HPSE2: variants seen among roughly 807,000 people sequenced by gnomAD.
HPSE2 encodes the protein inactive heparanase-2.
A neutral mutation model predicts 60.5 loss-of-function variants in HPSE2; 38 were observed. The observed-to-expected ratio is 0.63, with a 90% CI of 0.48 to 0.82. The LOEUF (loss-of-function observed/expected upper bound fraction) is 0.82, where lower values mean the gene tolerates loss of function less well. Ranked by LOEUF, HPSE2 falls within the 40% of genes least tolerant of loss-of-function variation. The pLI is 0.00. For missense variants in HPSE2, 713 were observed against 740.4 expected (o/e 0.96, Z 0.43); for synonymous variants, 295 against 293.2 (o/e 1.01, Z -0.06).
intron 2 of HPSE2, among the ~76,000 whole-genome samples, chr10:99,175,521 G>A (rs1024907375): frequency 6.6e-6 from 1 of 152,318 alleles, no homozygotes; most frequent in Non-Finnish European, 1.5e-5. Flanking sequence ...CCAACTGGGC[G>A]GAGCCCACCA....
the HPSE2 span, among the ~76,000 whole-genome samples, chr10:99,261,231 CA>C: frequency 6.6e-6 from 1 of 152,082 alleles, no homozygotes; most frequent in African/African-American, 2.4e-5. Context: ...TCTACAGACC[CA>C]TCTGACCTCT....
intron 5 of HPSE2, among the ~76,000 whole-genome samples, chr10:98,694,950 A>T (rs1948173242): frequency 6.6e-6 from 1 of 152,214 alleles, no homozygotes; most frequent in Non-Finnish European, 1.5e-5. Context: ...TAACTGAAGA[A>T]TTCTTCCTCC....
At chr10:98,925,680 C>G (rs1323395523) in intron 3 of HPSE2, among the ~76,000 whole-genome samples, 3 of 152,092 alleles carry the variant, frequency 2.0e-5, no homozygotes, top group South Asian at 2.1e-4. Flanking sequence ...CCCTACTCAG[C>G]CTTTGTTTGT....
At chr10:98,585,194 A>G (rs1944905068) in intron 9 of HPSE2, among the ~76,000 whole-genome samples, 1 of 152,128 alleles carries the variant, frequency 6.6e-6, no homozygotes, top group Non-Finnish European at 1.5e-5. Context: ...TAGATGCTAC[A>G]TGAAAAGTTA....
intron 9 of HPSE2, among the ~76,000 whole-genome samples, chr10:98,605,545 CA>C (rs1275150269): frequency 3.3e-5 from 5 of 152,128 alleles, no homozygotes; most frequent in African/African-American, 1.2e-4. Context: ...AGTCTGATGA[CA>C]GGTGACAGAG....
chr10:98,919,494 T>C (rs1033179169), intron 3 of HPSE2, among the ~76,000 whole-genome samples: 14 of 152,070 alleles, frequency 9.2e-5, no homozygotes, highest in African/African-American at 1.4e-4. Context: ...GGAGAAAAGA[T>C]AGGAAGCTAC....
chr10:98,572,953 C>T (rs1022159685), intron 9 of HPSE2, among the ~76,000 whole-genome samples: 1 of 152,130 alleles, frequency 6.6e-6, no homozygotes, highest in Non-Finnish European at 1.5e-5. Flanking sequence ...AGGGATTAAT[C>T]GACTATGGTT....
At chr10:98,965,533 T>C (rs1412682679) in intron 3 of HPSE2, among the ~76,000 whole-genome samples, 1 of 152,076 alleles carries the variant, frequency 6.6e-6, no homozygotes, top group South Asian at 2.1e-4. Flanking sequence ...AGTTCAATGA[T>C]TCTCTTCTCT....
At chr10:98,790,422 T>A (rs1306265734) in intron 3 of HPSE2, among the ~76,000 whole-genome samples, 1 of 152,070 alleles carries the variant, frequency 6.6e-6, no homozygotes, top group Non-Finnish European at 1.5e-5. Context: ...CTCACTTATA[T>A]GTGGAATCTA....
chr10:98,778,277 A>AGAGAGAGAGAGAGAGAGAGAGAGT (rs1950388633), intron 3 of HPSE2, among the ~76,000 whole-genome samples: 1 of 150,246 alleles, frequency 6.7e-6, no homozygotes, highest in African/African-American at 2.5e-5. Flanking sequence ...AGAGAGAGAG[A>AGAGAGAGAGAGAGAGAGAGAGAGT]GAGAGAGAGA....
At chr10:98,826,927 C>T (rs939965469) in intron 3 of HPSE2, among the ~76,000 whole-genome samples, 2 of 152,046 alleles carry the variant, frequency 1.3e-5, no homozygotes, top group African/African-American at 4.8e-5. Flanking sequence ...GCAGGAGGAT[C>T]GCTTGAGACC....
At chr10:98,719,763 G>A (rs901636152) in intron 5 of HPSE2, among the ~76,000 whole-genome samples, 5 of 151,264 alleles carry the variant, frequency 3.3e-5, no homozygotes, top group African/African-American at 1.2e-4. Context: ...CACTTTGGGA[G>A]GCCGAGACGG....
chr10:98,469,872 C>T (rs1940703434), intron 11 of HPSE2, among the ~76,000 whole-genome samples: 1 of 152,254 alleles, frequency 6.6e-6, no homozygotes, highest in African/African-American at 2.4e-5. Flanking sequence ...GCCTTCAGCC[C>T]TGAGACTTTT....
intron 3 of HPSE2, among the ~76,000 whole-genome samples, chr10:99,135,979 C>A (rs1845633254): frequency 1.3e-5 from 2 of 151,840 alleles, no homozygotes; most frequent in South Asian, 4.2e-4. Flanking sequence ...CAACAAAATA[C>A]ATAGACCACT....
chr10:99,253,835 G>A, the HPSE2 span, among the ~76,000 whole-genome samples: 6 of 151,930 alleles, frequency 3.9e-5, no homozygotes, highest in African/African-American at 1.4e-4. Flanking sequence ...AGATATACAG[G>A]CAGCCAACAA....
At chr10:98,511,375 C>A (rs1041395422) in intron 9 of HPSE2, among the ~76,000 whole-genome samples, 3 of 152,100 alleles carry the variant, frequency 2.0e-5, no homozygotes, top group Non-Finnish European at 4.4e-5. Context: ...TGGTCTTGAT[C>A]GCCTGACTTC....
intron 3 of HPSE2, among the ~76,000 whole-genome samples, chr10:98,760,436 C>T (rs1450621557): frequency 6.6e-6 from 1 of 151,928 alleles, no homozygotes; most frequent in Non-Finnish European, 1.5e-5. Context: ...TGGCTGTGGG[C>T]ATGTCATATA....
At position 99,151,582 on chromosome 10, in the gene HPSE2, G is replaced by C. The variant is rs149058328; in HGVS notation, c.449-7183C>G. 5.9e-5 allele frequency among the ~76,000 whole-genome samples: 9 copies of C among 152,054 alleles called. No individual in the cohort carries two copies. In the East Asian group the frequency reaches 1.7e-3, roughly 29 times the overall value. On this transcript the variant is annotated intron_variant, in intron 2 of 11. Transcript: ENST00000370552. ...TATAATAAAAATGTTAAAAGCCCAA[G>C]ATAAAAAGAAAATCTTAAAAGCACG...
chr10:98,725,955 A>G (rs1381311606), intron 4 of HPSE2, among the ~76,000 whole-genome samples: 1 of 152,232 alleles, frequency 6.6e-6, no homozygotes, highest in Non-Finnish European at 1.5e-5. Context: ...CTCACCAGTT[A>G]GAATGGCAAT....
Sources: allele counts gnomAD v4.1 joint callset (sites outside exome capture counted in the v4.1 genomes callset), GRCh38; gene constraint gnomAD v4.1.1; transcripts MANE v1.5; gene names NCBI Gene and HGNC (gene_info 2026-07-23, HGNC 2026-07-21).